AKAP19: variants seen among roughly 807,000 people sequenced by gnomAD.
The protein encoded by AKAP19 is A-kinase anchoring protein 19.
chr2:190,173,213 AAGTT>A, the AKAP19 span, among the ~76,000 whole-genome samples: 1 of 152,220 alleles, frequency 6.6e-6, no homozygotes, highest in African/African-American at 2.4e-5. Context: ...TATTATCTCT[AAGTT>A]AGAGTTAATT....
At chr2:190,041,973 G>T in the AKAP19 span, among the ~76,000 whole-genome samples, 1 of 151,990 alleles carries the variant, frequency 6.6e-6, no homozygotes, top group African/African-American at 2.4e-5. Context: ...TTGGCCTGAA[G>T]CTTTCTTTTT....
chr2:190,011,419 A>C, the AKAP19 span, among the ~76,000 whole-genome samples: 1 of 152,306 alleles, frequency 6.6e-6, no homozygotes, highest in East Asian at 1.9e-4. Flanking sequence ...TTTGCTGTGC[A>C]GAAGCTTTTT....
At chr2:190,166,712 A>C in the AKAP19 span, among the ~76,000 whole-genome samples, 1 of 152,132 alleles carries the variant, frequency 6.6e-6, no homozygotes, top group Non-Finnish European at 1.5e-5. Context: ...AAAATCACCC[A>C]TTCATAAAAA....
At chr2:190,057,821 A>C in the AKAP19 span, among the ~76,000 whole-genome samples, 2 of 152,088 alleles carry the variant, frequency 1.3e-5, no homozygotes, top group African/African-American at 4.8e-5. Context: ...CTTATGTCTC[A>C]AAAGAATTTA....
the AKAP19 span, among the ~76,000 whole-genome samples, chr2:190,010,253 A>T: frequency 1.3e-5 from 2 of 152,234 alleles, no homozygotes; most frequent in Non-Finnish European, 1.5e-5. Flanking sequence ...ATCCATGGTA[A>T]CAGGCAGGAA....
the AKAP19 span, among the ~76,000 whole-genome samples, chr2:189,977,866 A>G: frequency 3.3e-5 from 5 of 152,250 alleles, no homozygotes; most frequent in Non-Finnish European, 7.3e-5. Flanking sequence ...AACTTTTGCC[A>G]TAACAGTACA....
At chr2:190,133,102 G>T in the AKAP19 span, among the ~76,000 whole-genome samples, 2 of 151,834 alleles carry the variant, frequency 1.3e-5, no homozygotes, top group Admixed American at 1.3e-4. Flanking sequence ...GCCGGGCGTG[G>T]TGGCGGGCGC....
the AKAP19 span, among the ~76,000 whole-genome samples, chr2:189,921,879 A>G: frequency 1.2e-3 from 177 of 152,314 alleles, 2 homozygotes; most frequent in African/African-American, 4.1e-3. Flanking sequence ...TGGATATGCA[A>G]AGTACTGACT....
chr2:189,954,933 A>G, the AKAP19 span, among the ~76,000 whole-genome samples: 1 of 152,012 alleles, frequency 6.6e-6, no homozygotes, highest in Non-Finnish European at 1.5e-5. Context: ...CAGTTAGCAA[A>G]TTCTTTTTTA....
the AKAP19 span, among the ~76,000 whole-genome samples, chr2:190,151,734 G>A: frequency 5.9e-5 from 9 of 151,500 alleles, no homozygotes; most frequent in African/African-American, 2.2e-4. Flanking sequence ...GGGCATAGTG[G>A]CTCACGCCTG....
chr2:189,991,724 G>T, the AKAP19 span, among the ~76,000 whole-genome samples: 1 of 152,158 alleles, frequency 6.6e-6, no homozygotes, highest in East Asian at 1.9e-4. Flanking sequence ...ATTTATCTTT[G>T]TTTTTGTCAC....
chr2:189,949,029 A>G, the AKAP19 span, among the ~76,000 whole-genome samples: 1 of 152,138 alleles, frequency 6.6e-6, no homozygotes, highest in Non-Finnish European at 1.5e-5. Context: ...GGAAGTAGGA[A>G]AATACAGTTG....
the AKAP19 span, among the ~76,000 whole-genome samples, chr2:190,027,871 A>C: frequency 1.3e-5 from 2 of 152,130 alleles, no homozygotes; most frequent in East Asian, 3.8e-4. Context: ...TTCATATACA[A>C]TTATATTTGT....
the AKAP19 span, among the ~76,000 whole-genome samples, chr2:190,020,456 C>G: frequency 6.6e-6 from 1 of 152,072 alleles, no homozygotes; most frequent in African/African-American, 2.4e-5. Context: ...TTTCAGATAT[C>G]AAGATCAGGG....
chr2:190,118,636 A>G, the AKAP19 span, among the ~76,000 whole-genome samples: 2 of 152,218 alleles, frequency 1.3e-5, no homozygotes, highest in Non-Finnish European at 2.9e-5. Flanking sequence ...ATCTCAATAG[A>G]TGCAGAAAAG....
chr2:189,983,420 C>A, the AKAP19 span, among the ~76,000 whole-genome samples: 1 of 152,134 alleles, frequency 6.6e-6, no homozygotes, highest in African/African-American at 2.4e-5. Flanking sequence ...GCCTAAGCTA[C>A]CAGGGCTCAC....
the AKAP19 span, chr2:190,180,434 G>T: frequency 9.9e-5 from 97 of 981,226 alleles, no homozygotes; most frequent in Non-Finnish European, 1.1e-4. The surrounding 1 kb of genome is among the most constrained non-coding windows in gnomAD (Gnocchi z 6.8). Flanking sequence ...GCAGCCCAGG[G>T]GGCCGAGACC....
chr2:190,180,666 G>T, the AKAP19 span: 1 of 985,442 alleles, frequency 1.0e-6, no homozygotes, highest in Non-Finnish European at 1.2e-6. The surrounding 1 kb of genome is among the most constrained non-coding windows in gnomAD (Gnocchi z 6.8). Flanking sequence ...GCCTGAGGAA[G>T]TATCGAGGCA....
At chr2:189,890,632 G>A in the AKAP19 span, among the ~76,000 whole-genome samples, 1 of 152,144 alleles carries the variant, frequency 6.6e-6, no homozygotes, top group African/African-American at 2.4e-5. Flanking sequence ...ATTTAGGATA[G>A]TTCTTCTTGT....
Sources: gnomAD v4.1 joint callset for allele counts (sites outside exome capture counted in the v4.1 genomes callset) on GRCh38, gnomAD v4.1.1 for gene constraint, Gnocchi (gnomAD v3.1) non-coding constraint, MANE v1.5 for transcripts, NCBI Gene and HGNC (gene_info 2026-07-23, HGNC 2026-07-21) for gene names.